Variants in EHBP1 observed in about 807,000 individuals in gnomAD.
The protein encoded by EHBP1 is EH domain-binding protein 1.
A neutral mutation model predicts 144.0 loss-of-function variants in EHBP1; 55 were observed. The observed-to-expected ratio is 0.38, with a 90% CI of 0.31 to 0.48. The LOEUF (loss-of-function observed/expected upper bound fraction) is 0.48. Ranked by LOEUF, EHBP1 falls within the 20% of genes least tolerant of loss-of-function variation. EHBP1 has a pLI of 0.98. For missense variants in EHBP1, 1,200 were observed against 1,364.2 expected (o/e 0.88, Z 1.90); for synonymous variants, 469 against 472.7 (o/e 0.99, Z 0.10).
chr2:62,724,682 A>C (rs1572973087), intron 2 of EHBP1, among the ~76,000 whole-genome samples: 1 of 148,370 alleles, frequency 6.7e-6, no homozygotes, highest in Admixed American at 6.8e-5. Context: ...GGCCTAGAGG[A>C]GGGGTTCCCA....
chr2:63,022,928 TTTTGG>T (rs1311347449), intron 19 of EHBP1, among the ~76,000 whole-genome samples: 20 of 152,056 alleles, frequency 1.3e-4, no homozygotes, highest in African/African-American at 4.6e-4. Flanking sequence ...AATCCTAGCA[TTTTGG>T]GAGGCTGAGG....
intron 7 of EHBP1, among the ~76,000 whole-genome samples, chr2:62,843,268 G>A (rs2048049028): frequency 6.6e-6 from 1 of 152,168 alleles, no homozygotes; most frequent in Non-Finnish European, 1.5e-5. Flanking sequence ...GTGAATGAAT[G>A]AAGCTTCATT....
At chr2:62,802,103 GAACT>G (rs2044035213) in intron 5 of EHBP1, among the ~76,000 whole-genome samples, 1 of 152,188 alleles carries the variant, frequency 6.6e-6, no homozygotes, top group South Asian at 2.1e-4. Flanking sequence ...CAAGAAAACA[GAACT>G]AATAACTGAT....
intron 19 of EHBP1, among the ~76,000 whole-genome samples, chr2:63,024,822 C>T (rs1394055735): frequency 6.6e-6 from 1 of 151,390 alleles, no homozygotes; most frequent in East Asian, 1.9e-4. Flanking sequence ...CAGAGTGAAA[C>T]CCCATGTCTA....
chr2:62,980,160 T>A (rs1021828249), intron 15 of EHBP1, among the ~76,000 whole-genome samples: 1 of 152,096 alleles, frequency 6.6e-6, no homozygotes, highest in Admixed American at 6.5e-5. Context: ...CAGGAACTGG[T>A]TTTATGGAAG....
At chr2:62,860,631 TCA>T (rs2049442796) in intron 8 of EHBP1, among the ~76,000 whole-genome samples, 1 of 152,248 alleles carries the variant, frequency 6.6e-6, no homozygotes, top group Admixed American at 6.5e-5. Context: ...AGATTCTTAA[TCA>T]GGTATCCTTT....
intron 2 of EHBP1, chr2:62,726,819 G>GAATT (rs767440181): frequency 5.9e-5 from 9 of 151,548 alleles, no homozygotes; most frequent in Middle Eastern, 3.2e-3. Context: ...CCATCCTGTT[G>GAATT]AATTAATTAA....
At chr2:62,986,834 A>C (rs893327526) in intron 15 of EHBP1, among the ~76,000 whole-genome samples, 2 of 152,148 alleles carry the variant, frequency 1.3e-5, no homozygotes, top group Non-Finnish European at 2.9e-5. Flanking sequence ...ATTAATGCTC[A>C]TAGTAAGCAT....
At position 62,977,104 on chromosome 2, in the gene EHBP1, T is replaced by G. The variant is rs1380035092; in HGVS notation, c.2461-2084T>G. On this transcript the variant is annotated intron_variant, in intron 14 of 22. Coordinates refer to ENST00000431489, the MANE Select transcript of EHBP1 (RefSeq NM_001142616.3). ...GTCCATTGCCATCCTTCTATGTCAGTCTATTTTATGCACCATTGCCTGATT... is the reference window on the plus strand; with the variant it reads ...GTCCATTGCCATCCTTCTATGTCAGGCTATTTTATGCACCATTGCCTGATT... 2.6e-5 allele frequency among the ~76,000 whole-genome samples: 4 copies of G among 151,896 alleles called. No individual in the cohort carries two copies. The East Asian group carries it at 7.7e-4, about 29-fold the overall frequency.
At chr2:62,795,626 A>AT (rs1306391664) in intron 5 of EHBP1, among the ~76,000 whole-genome samples, 1 of 151,818 alleles carries the variant, frequency 6.6e-6, no homozygotes, top group Admixed American at 6.6e-5. Context: ...ATTCCTTTCC[A>AT]TTTTTTCCCT....
At chr2:62,897,106 T>G (rs2053001070) in intron 10 of EHBP1, among the ~76,000 whole-genome samples, 1 of 152,224 alleles carries the variant, frequency 6.6e-6, no homozygotes, top group African/African-American at 2.4e-5. Context: ...TAACCACTAC[T>G]ATTAGCTTCT....
chr2:62,709,234 G>A (rs930866951), intron 2 of EHBP1, among the ~76,000 whole-genome samples: 5 of 152,080 alleles, frequency 3.3e-5, no homozygotes, highest in Admixed American at 3.3e-4. Context: ...AAATGGGTAG[G>A]ATTTGGTGGT....
At chr2:62,825,954 A>G in intron 5 of EHBP1, 133 bp from the exon 6 acceptor site, 1 of 553,896 alleles carries the variant, frequency 1.8e-6, no homozygotes. Context: ...TTATTTAGTT[A>G]TTGTGTGATA....
At chr2:62,901,106 A>G (rs1402007882) in intron 10 of EHBP1, among the ~76,000 whole-genome samples, 1 of 152,162 alleles carries the variant, frequency 6.6e-6, no homozygotes, top group Non-Finnish European at 1.5e-5. Flanking sequence ...CTTGAAACTA[A>G]TTGAGCTTGG....
intron 1 of EHBP1, among the ~76,000 whole-genome samples, chr2:62,697,854 CAG>C (rs1461477527): frequency 6.6e-6 from 1 of 152,130 alleles, no homozygotes; most frequent in Non-Finnish European, 1.5e-5. Context: ...TAAGAGAAAA[CAG>C]AATGAACTAT....
chr2:62,774,257 G>C (rs1168264311), intron 5 of EHBP1, among the ~76,000 whole-genome samples: 1 of 151,910 alleles, frequency 6.6e-6, no homozygotes, highest in East Asian at 1.9e-4. Context: ...TGTAATCCCA[G>C]CTACTCAGGA....
intron 5 of EHBP1, among the ~76,000 whole-genome samples, chr2:62,776,217 C>G (rs956504147): frequency 6.6e-6 from 1 of 152,214 alleles, no homozygotes; most frequent in African/African-American, 2.4e-5. Context: ...TCTCTTGTTT[C>G]TGATTTCTCC....
rs564764417 is a variant in EHBP1 at position 62,994,901 on chromosome 2, A to G, written c.2979+924A>G. Among the ~76,000 whole-genome samples the G allele has an allele frequency of 8.3e-4, 127 of 152,236 alleles. 2 individuals carry two copies. Among genetic ancestry groups the G allele is most frequent in the African/African-American group, 2.8e-3 (116 of 41,572 alleles). On this transcript the variant is annotated intron_variant, in intron 18 of 22. Transcript: ENST00000431489. ...AAGTTACAGAATACTTAACTATACTATGTACTCACACTACAGAAATCTGAT... is the reference window on the plus strand; with the variant it reads ...AAGTTACAGAATACTTAACTATACTGTGTACTCACACTACAGAAATCTGAT...
At chr2:62,998,467 A>T (rs1348750078) in intron 19 of EHBP1, among the ~76,000 whole-genome samples, 1 of 152,062 alleles carries the variant, frequency 6.6e-6, no homozygotes, top group East Asian at 1.9e-4. Flanking sequence ...TTTTTTTCCA[A>T]ACAAATGGAA....
Sources: allele counts gnomAD v4.1 joint callset (sites outside exome capture counted in the v4.1 genomes callset), GRCh38; gene constraint gnomAD v4.1.1; transcripts MANE v1.5; gene names NCBI Gene and HGNC (gene_info 2026-07-23, HGNC 2026-07-21).